VPS50: variants seen among roughly 807,000 people sequenced by gnomAD.
VPS50 encodes VPS50 subunit of EARP/GARPII complex.
VPS50 carries 70 observed loss-of-function variants against 139.7 expected under a neutral mutation model. The ratio of observed to expected loss-of-function variants is 0.50; its 90% CI spans 0.41 to 0.61. The LOEUF is 0.61. Ranked by LOEUF, VPS50 falls within the 20% of genes least tolerant of loss-of-function variation. VPS50 has a pLI of 0.00. For missense variants in VPS50, 921 were observed against 1,133.7 expected, an observed-to-expected ratio of 0.81 and a Z score of 2.69; for synonymous variants, 365 against 376.7, an observed-to-expected ratio of 0.97 and a Z score of 0.36.
chr7:93,264,288 T>A (rs1330881954), intron 9 of VPS50, among the ~76,000 whole-genome samples: 1 of 152,188 alleles, frequency 6.6e-6, no homozygotes, highest in Non-Finnish European at 1.5e-5. Context: ...GTTTGATATT[T>A]CCTGAGTTGA....
intron 5 of VPS50, among the ~76,000 whole-genome samples, chr7:93,257,099 T>C (rs1245993623): frequency 6.6e-6 from 1 of 152,106 alleles, no homozygotes; most frequent in African/African-American, 2.4e-5. Context: ...TAAACAGATA[T>C]ATTACTGGTA....
At chr7:93,282,655 TATCA>T (rs1308667975) in intron 12 of VPS50, among the ~76,000 whole-genome samples, 1 of 152,250 alleles carries the variant, frequency 6.6e-6, no homozygotes, top group African/African-American at 2.4e-5. Context: ...TTGTGTTGCA[TATCA>T]ATCAGTCATG....
chr7:93,334,205 A>G lies in VPS50; in HGVS notation c.2058+8A>G. The G allele has an allele frequency of 7.2e-7, 1 of 1,386,102 alleles. No homozygotes were observed. The highest frequency in any genetic ancestry group is 1.0e-6 in the Non-Finnish European group (1 of 988,524). The allele number at this position is 1,386,102 out of a possible 1,614,324, so 85.9% of individuals were successfully genotyped here. A position where few individuals can be genotyped will look rare whatever the true frequency, so the allele number is the denominator to read the frequency against. ...GAAAGCCTTATTGATCTAGTAAGTA[A>G]CGAATTGGAATAAATTCTTTTGGAT... On this transcript the variant is annotated splice_region_variant and intron_variant, in intron 22 of 27. Transcript: ENST00000305866.
intron 12 of VPS50, among the ~76,000 whole-genome samples, chr7:93,279,903 A>G (rs926131840): frequency 6.6e-6 from 1 of 152,164 alleles, no homozygotes; most frequent in Admixed American, 6.5e-5. Flanking sequence ...GAAAAGAGAT[A>G]ATCATCTGCT....
intron 23 of VPS50, among the ~76,000 whole-genome samples, chr7:93,348,156 G>C (rs1160917484): frequency 6.6e-6 from 1 of 152,150 alleles, no homozygotes; most frequent in Non-Finnish European, 1.5e-5. Flanking sequence ...TGGATGCAGT[G>C]CAACTGCAGG....
chr7:93,349,767 GTGTTT>G (rs2117083441), intron 24 of VPS50, 103 bp from the exon 25 acceptor site: 1 of 730,152 alleles, frequency 1.4e-6, no homozygotes, highest in Middle Eastern at 2.8e-4. Context: ...CAAATATATA[GTGTTT>G]TATTTTCAGA....
chr7:93,249,394 G>A lies in VPS50; in HGVS notation c.103-3259G>A, dbSNP rs138435004. On this transcript the variant is annotated intron_variant, in intron 2 of 27. Coordinates refer to ENST00000305866, the MANE Select transcript of VPS50 (RefSeq NM_017667.4). The stretch of plus-strand genomic sequence containing the variant: ...CTAGGCATGAAGAGACTAAGTTGCC[G>A]AGGGTTAATGATGGAATTGCAGCTA... Among the ~76,000 whole-genome samples, 212 of 152,086 alleles carry A rather than the reference G, an allele frequency of 1.4e-3. 2 individuals are homozygous for A. Among genetic ancestry groups the A allele is most frequent in the African/African-American group, 5.0e-3 (206 of 41,504 alleles).
chr7:93,241,000 T>C (rs964907644), intron 2 of VPS50, among the ~76,000 whole-genome samples: 1 of 152,132 alleles, frequency 6.6e-6, no homozygotes, highest in East Asian at 1.9e-4. Context: ...AATTAATGAC[T>C]ATGAAAAGGT....
intron 21 of VPS50, among the ~76,000 whole-genome samples, chr7:93,333,341 TCATA>T (rs757488324): frequency 1.1e-4 from 17 of 152,280 alleles, no homozygotes; most frequent in South Asian, 6.2e-4. Context: ...ATAGTCACAC[TCATA>T]CATACATAAT....
At position 93,291,802 on chromosome 7, in the gene VPS50, A is replaced by G; in HGVS notation, c.1042A>G (p.Lys348Glu). ...SYYRTMEWHE[K>E]HDNEDTASAS... ...TTATAGGACTATGGAATGGCATGAAAAGCATGACAATGAGGATACTGCTTC... is the reference window on the plus strand; with the variant it reads ...TTATAGGACTATGGAATGGCATGAAGAGCATGACAATGAGGATACTGCTTC... Residue 348 changes from lysine to glutamate, a missense_variant, in exon 13 of 28, where the codon AAG becomes GAG. Physicochemically the swap from Lys to Glu is moderately conservative, Grantham distance 56. Coordinates refer to ENST00000305866, the MANE Select transcript of VPS50 (RefSeq NM_017667.4). 6.2e-7 allele frequency: 1 copy of G among 1,602,820 alleles called. No homozygotes were observed. Among genetic ancestry groups the G allele is most frequent in the Non-Finnish European group, 8.5e-7 (1 of 1,173,326 alleles).
In VPS50 at chr7:93,258,242, G is replaced by T. The variant is rs1032243968; in HGVS notation, c.506G>T (p.Gly169Val). 6.3e-7 allele frequency: 1 copy of T among 1,597,574 alleles called. No homozygotes were observed. Among genetic ancestry groups the T allele is most frequent in the East Asian group, 2.2e-5 (1 of 44,706 alleles). Residue 169 changes from glycine (G) to valine (V), a missense_variant, in exon 7 of 28, where the codon GGA becomes GTA. Gly to Val is a moderately radical substitution (Grantham distance 109). Coordinates refer to ENST00000305866, the MANE Select transcript of VPS50 (RefSeq NM_017667.4). The part of the protein sequence containing the change: ...ANQRKRQLLI[G>V]LLKSLRTIKT... ...CAAAGGAAACGTCAGTTGCTGATTGGACTTCTGAAATCTCTGAGAACTATA... is the reference window on the plus strand; with the variant it reads ...CAAAGGAAACGTCAGTTGCTGATTGTACTTCTGAAATCTCTGAGAACTATA...
intron 16 of VPS50, among the ~76,000 whole-genome samples, chr7:93,300,574 G>A (rs1217864964): frequency 6.6e-6 from 1 of 152,062 alleles, no homozygotes; most frequent in Admixed American, 6.6e-5. Context: ...ATTTAATTTA[G>A]CAATTGACAG....
At chr7:93,353,444 T>C (rs1003792185) in intron 25 of VPS50, among the ~76,000 whole-genome samples, 196 bp from the exon 26 acceptor site, 3 of 152,224 alleles carry the variant, frequency 2.0e-5, no homozygotes, top group Non-Finnish European at 2.9e-5. Flanking sequence ...TACTATAACA[T>C]AATCTATTTA....
chr7:93,246,480 A>G (rs1024192133), intron 2 of VPS50, among the ~76,000 whole-genome samples: 1 of 151,846 alleles, frequency 6.6e-6, no homozygotes, highest in African/African-American at 2.4e-5. Flanking sequence ...CTGACCTGTG[A>G]AGTAAAGATT....
intron 1 of VPS50, among the ~76,000 whole-genome samples, chr7:93,237,415 C>CATGT (rs1464642938): frequency 3.3e-5 from 5 of 152,192 alleles, no homozygotes; most frequent in Admixed American, 1.3e-4. Flanking sequence ...ATCCTCCTAA[C>CATGT]ATGTACACGG....
chr7:93,276,143 G>A (rs1796146030), intron 11 of VPS50, 22 bp from the exon 12 acceptor site: 1 of 1,535,078 alleles, frequency 6.5e-7, no homozygotes, highest in Admixed American at 1.9e-5. Context: ...AAATTATGTT[G>A]TGCGTTTTTT....
chr7:93,255,963 C>T (rs867338994), intron 4 of VPS50, among the ~76,000 whole-genome samples: 1 of 152,140 alleles, frequency 6.6e-6, no homozygotes, highest in Admixed American at 6.6e-5. Flanking sequence ...AACTTGCATA[C>T]GTTAATATTA....
intron 22 of VPS50, among the ~76,000 whole-genome samples, chr7:93,335,113 C>A (rs1007648777): frequency 2.2e-4 from 33 of 152,168 alleles, no homozygotes; most frequent in African/African-American, 8.0e-4. Context: ...GCTGGGAATT[C>A]ATCAGTGCAC....
chr7:93,253,544 C>T (rs570220737), intron 3 of VPS50, among the ~76,000 whole-genome samples: 42 of 152,252 alleles, frequency 2.8e-4, no homozygotes, highest in Admixed American at 6.5e-4. Context: ...TGTCACAGGC[C>T]GTGGCAGCAG....
Sources: gnomAD v4.1 joint callset for allele counts (sites outside exome capture counted in the v4.1 genomes callset) on GRCh38, gnomAD v4.1.1 for gene constraint, MANE v1.5 for transcripts, NCBI Gene and HGNC (gene_info 2026-07-23, HGNC 2026-07-21) for gene names.